ABCB11: variants seen among roughly 807,000 people sequenced by gnomAD.
ABCB11 encodes ATP binding cassette subfamily B member 11.
In ABCB11, 95 loss-of-function variants were observed where a neutral mutation model predicts 148.0. That is an observed-to-expected ratio of 0.64 (90% CI 0.54 to 0.76). The LOEUF is 0.76. Among genes scored for constraint, ABCB11 ranks in the 30% least tolerant of loss-of-function variants. The probability of loss-of-function intolerance (pLI) is 0.00; values close to 1 mark genes in which losing one functional copy is unlikely to be tolerated. For synonymous variants in ABCB11, 591 were observed against 555.4 expected (o/e 1.06, Z -0.90); for missense variants, 1,523 against 1,617.8 (o/e 0.94, Z 1.01).
intron 17 of ABCB11, among the ~76,000 whole-genome samples, 170 bp from the exon 18 acceptor site, chr2:168,964,478 G>C (rs1160545999): frequency 1.3e-5 from 2 of 151,674 alleles, no homozygotes; most frequent in Non-Finnish European, 2.9e-5. Flanking sequence ...CTAATCTTAG[G>C]GCAGAGCTAA....
rs1691157612 is a variant in ABCB11 at position 168,923,399 on chromosome 2, T to G, written c.*223A>C. On this transcript the variant is annotated 3_prime_UTR_variant, in exon 28 of 28. Transcript: ENST00000650372. ...GGTTTTCCCTCATATGGACCCTAGTTTCTTTCATTTTCTGTATACACATCT... is the reference window on the plus strand; with the variant it reads ...GGTTTTCCCTCATATGGACCCTAGTGTCTTTCATTTTCTGTATACACATCT... 3 of 593,898 alleles carry G rather than the reference T, an allele frequency of 5.1e-6. No individual in the cohort carries two copies. The East Asian group carries it at 8.4e-5, about 17-fold the overall frequency. 36.8% of individuals were successfully genotyped at this position (593,898 alleles called of 1,614,324 possible).
Position 168,986,147 on chromosome 2 carries a change from A to G in ABCB11, c.1046T>C (p.Leu349Pro). The change falls in exon 10 of 28, where the codon CTG (leucine) becomes CCG (proline). Residue 349 changes from leucine (L) to proline (P), a missense_variant. Transcript: ENST00000650372. ...LAFWYGSTLV[L>P]DEGEYTPGTL... ...TCCTGGTGTATATTCTCCTTCATCC[A>G]GGACAAGTGTGGAGCCGTACCAGAA... is the stretch of plus-strand genomic sequence containing the variant. 1 of 1,612,508 alleles carries G rather than the reference A, an allele frequency of 6.2e-7. No individual in the cohort carries two copies. The highest frequency in any genetic ancestry group is 8.5e-7 in the Non-Finnish European group (1 of 1,179,210).
chr2:168,972,171 C>A, intron 13 of ABCB11, 121 bp from the exon 14 acceptor site: 1 of 825,972 alleles, frequency 1.2e-6, no homozygotes, highest in South Asian at 1.7e-5. Context: ...CTAATGGAAA[C>A]AATTCCTCTT....
intron 4 of ABCB11, 75 bp downstream of exon 4, chr2:169,014,228 A>G: frequency 5.0e-6 from 7 of 1,403,068 alleles, no homozygotes; most frequent in African/African-American, 1.4e-5. Context: ...ATGACTAAAG[A>G]TTTAACACTC....
At chr2:168,916,937 G>C (rs1690951917), downstream of ABCB11, among the ~76,000 whole-genome samples, 1 of 152,078 alleles carries the variant, frequency 6.6e-6, no homozygotes, top group Non-Finnish European at 1.5e-5. Flanking sequence ...AAACTGTTCT[G>C]ATATTTTCTT....
At chr2:168,961,429 C>A (rs1031672519) in intron 18 of ABCB11, among the ~76,000 whole-genome samples, 1 of 151,668 alleles carries the variant, frequency 6.6e-6, no homozygotes, top group Non-Finnish European at 1.5e-5. Flanking sequence ...TACTGATAGC[C>A]ATTTTTATGG....
chr2:168,950,294 C>T (rs1267902485), intron 19 of ABCB11, among the ~76,000 whole-genome samples: 1 of 151,302 alleles, frequency 6.6e-6, no homozygotes, highest in Non-Finnish European at 1.5e-5. Context: ...GTCCCTAATA[C>T]AGCCCAGTAG....
At chr2:169,002,452 A>T (rs546201657) in intron 5 of ABCB11, among the ~76,000 whole-genome samples, 2 of 152,332 alleles carry the variant, frequency 1.3e-5, no homozygotes, top group Admixed American at 1.3e-4. Flanking sequence ...TACTGGGTAT[A>T]TATCCAAGGA....
intron 19 of ABCB11, among the ~76,000 whole-genome samples, chr2:168,946,598 A>T (rs925159207): frequency 6.6e-6 from 1 of 151,948 alleles, no homozygotes; most frequent in South Asian, 2.1e-4. Flanking sequence ...AAATATTTTT[A>T]AAATTACTGT....
rs547785919 is a variant in ABCB11, at chr2:169,012,131, A to G, written c.389+1141T>C. Among the ~76,000 whole-genome samples, 312 of 152,326 alleles carry G rather than the reference A, an allele frequency of 2.0e-3. 2 individuals are homozygous for G. The highest frequency in any genetic ancestry group is 2.4e-3 in the Non-Finnish European group (166 of 68,026). On this transcript the variant is annotated intron_variant, in intron 5 of 27. Coordinates refer to ENST00000650372, the MANE Select transcript of ABCB11 (RefSeq NM_003742.4). Reference sequence around the variant, plus strand: ...TTAGAAGGACTCATTCATAGTCTGGAATCAAGCCTATAGAAAATTTCAAAA... The same window carrying G: ...TTAGAAGGACTCATTCATAGTCTGGGATCAAGCCTATAGAAAATTTCAAAA...
intron 25 of ABCB11, 73 bp from the exon 26 acceptor site, chr2:168,927,435 T>TAACACCTAATGCTAGAA: frequency 7.9e-7 from 1 of 1,258,428 alleles, no homozygotes; most frequent in Non-Finnish European, 1.1e-6. Context: ...TATTCTAGCA[T>TAACACCTAATGCTAGAA]TAGGTGTTAT....
rs35372131 is a variant in ABCB11, at chr2:169,026,636, T to A, written c.-28+4589A>T. On this transcript the variant is annotated intron_variant, in intron 1 of 27. Transcript: ENST00000650372. ...TTAGATGAATTGCCATGTATCATTATGAATGTAGAATATATATCTGATATA... is the reference window on the plus strand; with the variant it reads ...TTAGATGAATTGCCATGTATCATTAAGAATGTAGAATATATATCTGATATA... Among the ~76,000 whole-genome samples, 403 of 152,332 alleles carry A rather than the reference T, an allele frequency of 2.6e-3. 3 individuals carry two copies. The highest frequency in any genetic ancestry group is 4.0e-3 in the Non-Finnish European group (271 of 68,028).
rs1455594475 is a variant in ABCB11 at position 169,013,290 on chromosome 2, G to T, written c.371C>A (p.Thr124Lys). 7 of 1,611,908 alleles carry T rather than the reference G, an allele frequency of 4.3e-6. No individual in the cohort carries two copies. The South Asian group carries it at 5.5e-5, about 13-fold the overall frequency. ...AACCTACCCACAACGTGTTCCATTTGTCATGTTCTGGTTGAGGGAACTGTT... is the reference window on the plus strand; with the variant it reads ...AACCTACCCACAACGTGTTCCATTTTTCATGTTCTGGTTGAGGGAACTGTT... ...WTNSSLNQNM[T>K]NGTRCGLLNI... is the part of the protein sequence containing the mutation. The change falls in exon 5 of 28, where the codon ACA becomes AAA. Residue 124 changes from threonine (T) to lysine (K), a missense_variant. Transcript: ENST00000650372.
At chr2:168,987,822 A>C (rs1225431388) in intron 9 of ABCB11, among the ~76,000 whole-genome samples, 1 of 152,208 alleles carries the variant, frequency 6.6e-6, no homozygotes, top group Non-Finnish European at 1.5e-5. Flanking sequence ...GGTGTTCAAT[A>C]AAAATGTGTG....
At chr2:168,962,062 C>T (rs376308212) in intron 18 of ABCB11, among the ~76,000 whole-genome samples, 5 of 151,740 alleles carry the variant, frequency 3.3e-5, no homozygotes, top group Non-Finnish European at 5.9e-5. Flanking sequence ...ATTTTATTAA[C>T]CCTTTTCCAT....
At chr2:168,915,499 A>G (rs1267387526) in exon 3 of ABCB11, among the ~76,000 whole-genome samples, 1 of 152,234 alleles carries the variant, frequency 6.6e-6, no homozygotes, top group Non-Finnish European at 1.5e-5. Flanking sequence ...ACACAATTAC[A>G]AAAAAACTAC....
At chr2:169,023,455 G>A (rs1242236762) in intron 1 of ABCB11, among the ~76,000 whole-genome samples, 1 of 152,212 alleles carries the variant, frequency 6.6e-6, no homozygotes, top group African/African-American at 2.4e-5. Context: ...AATGCATGCA[G>A]AGATATGTGT....
chr2:168,931,778 A>C (rs1301468322), intron 24 of ABCB11, among the ~76,000 whole-genome samples: 1 of 152,196 alleles, frequency 6.6e-6, no homozygotes, highest in South Asian at 2.1e-4. Flanking sequence ...CATTCACTGA[A>C]TGTCATCACC....
At chr2:168,932,572 C>T (rs755733789) in intron 23 of ABCB11, 39 bp from the exon 24 acceptor site, 26 of 1,602,856 alleles carry the variant, frequency 1.6e-5, no homozygotes, top group Middle Eastern at 1.7e-4. Flanking sequence ...AGCAGGGTGG[C>T]GTGGTTGGTG....
Sources: allele counts gnomAD v4.1 joint callset (sites outside exome capture counted in the v4.1 genomes callset), GRCh38; gene constraint gnomAD v4.1.1; transcripts MANE v1.5; gene names NCBI Gene and HGNC (gene_info 2026-07-23, HGNC 2026-07-21).